BTRC: variants seen among roughly 807,000 people sequenced by gnomAD.
BTRC encodes F-box/WD repeat-containing protein 1A.
BTRC carries 42 observed loss-of-function variants against 85.5 expected under a neutral mutation model. The ratio of observed to expected loss-of-function variants is 0.49; its 90% confidence interval spans 0.38 to 0.64. BTRC has a LOEUF of 0.64. Ranked by LOEUF, BTRC falls within the 30% of genes least tolerant of loss-of-function variation. The pLI is 0.00. For missense variants in BTRC, 594 were observed against 743.5 expected, an observed-to-expected ratio of 0.80 and a Z score of 2.34; for synonymous variants, 255 against 263.3, an observed-to-expected ratio of 0.97 and a Z score of 0.30.
intron 1 of BTRC, among the ~76,000 whole-genome samples, chr10:101,397,211 A>G (rs1943386730): frequency 6.6e-6 from 1 of 152,230 alleles, no homozygotes; most frequent in Non-Finnish European, 1.5e-5. Flanking sequence ...TAAGAATACA[A>G]TCCTAAAATA....
intron 4 of BTRC, among the ~76,000 whole-genome samples, chr10:101,501,921 T>C (rs9420841): frequency 0.37 from 56,254 of 152,036 alleles, 11,587 homozygotes; most frequent in Middle Eastern, 0.49. Context: ...TGTCCCATTC[T>C]AGGTTAAACA....
Position 101,494,061 on chromosome 10 carries a change from T to C in BTRC, c.324+14604T>C, listed in dbSNP as rs561390966. ...GAGGAGCTGTAGTGAAAATACTGTC[T>C]TAGGAAAAACACAGCTCTTGATTGA... On this transcript the variant is annotated intron_variant, in intron 4 of 14. Coordinates refer to ENST00000370187, the MANE Select transcript of BTRC (RefSeq NM_033637.4). Among the ~76,000 whole-genome samples, 71 of 152,332 alleles carry C rather than the reference T, an allele frequency of 4.7e-4. 1 individual carries two copies. The South Asian group carries it at 5.2e-3, about 11-fold the overall frequency.
chr10:101,428,185 A>G (rs1230530572), intron 1 of BTRC, among the ~76,000 whole-genome samples: 1 of 152,174 alleles, frequency 6.6e-6, no homozygotes, highest in Non-Finnish European at 1.5e-5. Context: ...GTTTAAAGAC[A>G]GGGGTAAGAT....
intron 3 of BTRC, among the ~76,000 whole-genome samples, chr10:101,462,861 ATTATT>A (rs1446313137): frequency 6.6e-6 from 1 of 151,826 alleles, no homozygotes; most frequent in Admixed American, 6.6e-5. Context: ...TTTTATTTTT[ATTATT>A]TTATTTTATT....
At chr10:101,535,089 A>G (rs1409574846) in intron 10 of BTRC, among the ~76,000 whole-genome samples, 179 bp downstream of exon 10, 2 of 152,228 alleles carry the variant, frequency 1.3e-5, no homozygotes, top group Admixed American at 6.5e-5. Context: ...TTTATCCTAG[A>G]TATTTTATTC....
intron 1 of BTRC, among the ~76,000 whole-genome samples, chr10:101,370,142 A>G (rs1287747998): frequency 6.6e-6 from 1 of 152,130 alleles, no homozygotes; most frequent in African/African-American, 2.4e-5. Context: ...TTTTGAGACA[A>G]GGTCTCACTC....
At chr10:101,394,574 A>C (rs953336614) in intron 1 of BTRC, among the ~76,000 whole-genome samples, 4 of 152,254 alleles carry the variant, frequency 2.6e-5, no homozygotes, top group African/African-American at 9.6e-5. Context: ...ACATAGTCAC[A>C]GACTGACTAG....
chr10:101,373,207 T>G (rs1397206411), intron 1 of BTRC, among the ~76,000 whole-genome samples: 1 of 152,234 alleles, frequency 6.6e-6, no homozygotes, highest in Non-Finnish European at 1.5e-5. Flanking sequence ...CTGAAAGATC[T>G]GTAATTTACA....
chr10:101,417,089 C>T (rs188872233), intron 1 of BTRC, among the ~76,000 whole-genome samples: 92 of 151,990 alleles, frequency 6.1e-4, no homozygotes, highest in Non-Finnish European at 1.2e-3. Context: ...GTATTTCCTG[C>T]AAACCAGAAC....
chr10:101,488,731 A>G (rs1946053446), intron 4 of BTRC, among the ~76,000 whole-genome samples: 2 of 152,180 alleles, frequency 1.3e-5, no homozygotes, highest in African/African-American at 4.8e-5. Context: ...TCTTCTAAAG[A>G]TACACAAAAT....
intron 1 of BTRC, among the ~76,000 whole-genome samples, chr10:101,413,459 A>C (rs1044207686): frequency 6.6e-6 from 1 of 151,760 alleles, no homozygotes; most frequent in Non-Finnish European, 1.5e-5. Flanking sequence ...GACTACAGGC[A>C]CCTGCCACCA....
intron 2 of BTRC, among the ~76,000 whole-genome samples, chr10:101,448,607 A>T (rs1042105662): frequency 5.3e-5 from 8 of 152,200 alleles, no homozygotes; most frequent in African/African-American, 1.9e-4. Flanking sequence ...AATGCAGTTA[A>T]TCTGAGTTAT....
chr10:101,525,887 C>T (rs1302054968), intron 5 of BTRC, 126 bp from the exon 6 acceptor site: 3 of 846,620 alleles, frequency 3.5e-6, no homozygotes. Flanking sequence ...AGAAACTGGA[C>T]CACACTAGGG....
intron 1 of BTRC, among the ~76,000 whole-genome samples, chr10:101,423,045 G>A (rs1437513841): frequency 6.6e-6 from 1 of 151,814 alleles, no homozygotes; most frequent in Non-Finnish European, 1.5e-5. Context: ...CTATCCATGA[G>A]TTTTTTTTAA....
chr10:101,386,640 A>G (rs1008534893), intron 1 of BTRC, among the ~76,000 whole-genome samples: 3 of 152,192 alleles, frequency 2.0e-5, no homozygotes, highest in Admixed American at 1.3e-4. Context: ...AAATGAGCAC[A>G]TGAAGAACCA....
intron 4 of BTRC, among the ~76,000 whole-genome samples, chr10:101,510,305 G>T (rs1257174048): frequency 6.6e-6 from 1 of 151,974 alleles, no homozygotes; most frequent in African/African-American, 2.4e-5. Flanking sequence ...TCAGGAGATC[G>T]AGACCATCCT....
intron 1 of BTRC, among the ~76,000 whole-genome samples, chr10:101,388,805 C>G (rs1943151906): frequency 1.3e-5 from 2 of 152,190 alleles, no homozygotes. Flanking sequence ...CTGTTTTATT[C>G]TTAATGTTAA....
rs1486099301 is a variant in BTRC, at chr10:101,554,216, C to T, written c.*1093C>T. 6.6e-6 allele frequency: 1 copy of T among 152,184 alleles called. No individual in the cohort carries two copies. The highest frequency in any genetic ancestry group is 1.5e-5 in the Non-Finnish European group (1 of 68,032). The allele number at this position is 152,184 out of a possible 1,614,324, so 9.4% of individuals were successfully genotyped here. A position where few individuals can be genotyped will look rare whatever the true frequency, so the allele number is the denominator to read the frequency against. ...GTGTGTAATAAAAAGCATTGTACTT[C>T]ATCTTAAATCACTGGTAAGGCTCAG... On this transcript the variant is annotated 3_prime_UTR_variant, in exon 15 of 15. Coordinates refer to ENST00000370187, the MANE Select transcript of BTRC (RefSeq NM_033637.4).
chr10:101,456,068 G>A (rs538296871), intron 2 of BTRC, among the ~76,000 whole-genome samples: 2 of 151,176 alleles, frequency 1.3e-5, no homozygotes, highest in Admixed American at 6.6e-5. Context: ...CTACTCGGGA[G>A]GCTGAGGCAG....
Sources: gnomAD v4.1 joint callset for allele counts (sites outside exome capture counted in the v4.1 genomes callset) on GRCh38, gnomAD v4.1.1 for gene constraint, MANE v1.5 for transcripts, NCBI Gene and HGNC (gene_info 2026-07-23, HGNC 2026-07-21) for gene names.